ZC3H3: variants seen among roughly 807,000 people sequenced by gnomAD.
ZC3H3 encodes zinc finger CCCH domain-containing protein 3.
ZC3H3 carries 36 observed loss-of-function variants against 77.3 expected under a neutral mutation model. The ratio of observed to expected loss-of-function variants is 0.47; its 90% CI spans 0.36 to 0.61. The LOEUF is 0.61. Ranked by LOEUF, ZC3H3 falls within the 20% of genes least tolerant of loss-of-function variation. The pLI is 0.00. For missense variants in ZC3H3, 1,331 were observed against 1,312.2 expected (o/e 1.01, Z -0.22); for synonymous variants, 626 against 555.2 (o/e 1.13, Z -1.79).
chr8:143,539,400 G>C (rs912390124), intron 1 of ZC3H3, 80 bp from the exon 2 acceptor site: 6 of 1,359,694 alleles, frequency 4.4e-6, no homozygotes, highest in Non-Finnish European at 5.9e-6. Flanking sequence ...GCATCAGCTG[G>C]CAAGATACCC....
At position 143,536,413 on chromosome 8, in the gene ZC3H3, T is replaced by TGGCGGC. The variant is rs1274488624; in HGVS notation, c.1399_1404dup (p.Ala467_Ala468dup). 1 of 1,552,074 alleles carries TGGCGGC rather than the reference T, an allele frequency of 6.4e-7. No homozygotes were observed. The highest frequency in any genetic ancestry group is 8.7e-7 in the Non-Finnish European group (1 of 1,145,882). ...CGGAGGCTGAGGTGGCTCTTGGCGG[T>TGGCGGC]GGCGGCAGGTGAGGTGCCGCTTTTC... On this transcript the variant is annotated inframe_insertion, in exon 3 of 12. Coordinates refer to ENST00000262577, the MANE Select transcript of ZC3H3 (RefSeq NM_015117.3).
In ZC3H3 at chr8:143,479,060, C is replaced by T. The variant is rs770235654; in HGVS notation, c.1716-3475G>A. Among the ~76,000 whole-genome samples, 14 of 152,346 alleles carry T rather than the reference C, an allele frequency of 9.2e-5. No individual in the cohort carries two copies. The South Asian group carries it at 2.1e-3, about 23-fold the overall frequency. On this transcript the variant is annotated intron_variant, in intron 4 of 11. Coordinates refer to ENST00000262577, the MANE Select transcript of ZC3H3 (RefSeq NM_015117.3). ...AGGGCCTCCCGGGAATGGGGCAGGG[C>T]GCTTCCTGGTGCTCAGCACACCTAG...
At position 143,533,671 on chromosome 8, in the gene ZC3H3, G is replaced by A. The variant is rs981985069; in HGVS notation, c.1561+2586C>T. The stretch of plus-strand genomic sequence containing the variant: ...GGACCCTCTCCTCTCACTCCATGCA[G>A]CCGCCACGCTGGTCTTTTTTTTTTT... On this transcript the variant is annotated intron_variant, in intron 3 of 11. Coordinates refer to ENST00000262577, the MANE Select transcript of ZC3H3 (RefSeq NM_015117.3). The surrounding 1 kb of genome is among the most constrained non-coding windows in gnomAD (Gnocchi z 4.0). 2.0e-5 allele frequency among the ~76,000 whole-genome samples: 3 copies of A among 148,626 alleles called. No homozygotes were observed. The highest frequency in any genetic ancestry group is 7.4e-5 in the African/African-American group (3 of 40,408).
intron 3 of ZC3H3, among the ~76,000 whole-genome samples, chr8:143,535,132 A>G (rs1442087171): frequency 6.6e-6 from 1 of 151,798 alleles, no homozygotes; most frequent in Non-Finnish European, 1.5e-5. Flanking sequence ...GCAACCTCCC[A>G]GGCTCAAGCA....
rs539928786 is a variant in ZC3H3 at position 143,460,249 on chromosome 8, AAAATAAAT to A, written c.2307+5460_2307+5467del. ...GGCGACAGAGTGAGACTATGTCTCA[AAAATAAAT>A]AAATAAATAAATAAATAAATAAATA... is the stretch of plus-strand genomic sequence containing the variant. On this transcript the variant is annotated intron_variant, in intron 9 of 11. Coordinates refer to ENST00000262577, the MANE Select transcript of ZC3H3 (RefSeq NM_015117.3). The surrounding 1 kb of genome is among the most constrained non-coding windows in gnomAD (Gnocchi z 4.0). 0.025 allele frequency among the ~76,000 whole-genome samples: 3,600 copies of A among 144,200 alleles called. 69 individuals carry two copies. The highest frequency in any genetic ancestry group is 0.049 in the African/African-American group (1,941 of 39,682). 94.6% of individuals were successfully genotyped at this position (144,200 alleles called of 152,430 possible).
rs372005709 is a variant in ZC3H3, at chr8:143,538,980, C to T, written c.387G>A (p.Pro129=). 4.4e-5 allele frequency: 71 copies of T among 1,613,064 alleles called. No homozygotes were observed. Among genetic ancestry groups the T allele is most frequent in the East Asian group, 3.3e-4 (15 of 44,886 alleles). Residue 129 remains proline, a synonymous_variant, in exon 2 of 12, where the codon CCG becomes CCA. Transcript: ENST00000262577. ...CACTGGCAGAGCCAGACTTTGATGGCGGTTTAACTTTGATGACCACGTTCT... is the reference window on the plus strand; with the variant it reads ...CACTGGCAGAGCCAGACTTTGATGGTGGTTTAACTTTGATGACCACGTTCT... ...QGQNVVIKVK[P]PSKSGSASAS... is the part of the protein sequence containing the mutation.
chr8:143,521,180 C>G (rs892864579), intron 3 of ZC3H3, among the ~76,000 whole-genome samples: 10 of 152,280 alleles, frequency 6.6e-5, no homozygotes, highest in African/African-American at 2.4e-4. Flanking sequence ...TCCCAAGAGG[C>G]CTTGCCAACG....
intron 5 of ZC3H3, among the ~76,000 whole-genome samples, chr8:143,475,120 G>A (rs577657092): frequency 2.6e-5 from 4 of 152,350 alleles, no homozygotes; most frequent in Admixed American, 6.5e-5. Flanking sequence ...TCCATTCTCC[G>A]GCTGCCCTGT....
At position 143,538,137 on chromosome 8, in the gene ZC3H3, G is replaced by C; in HGVS notation, c.1230C>G (p.Val410=). The C allele has an allele frequency of 6.2e-7, 1 of 1,613,140 alleles. No individual in the cohort carries two copies. The highest frequency in any genetic ancestry group is 1.6e-4 in the Middle Eastern group (1 of 6,062). Residue 410 remains valine (V), a synonymous_variant, in exon 2 of 12, where the codon GTC becomes GTG. Coordinates refer to ENST00000262577, the MANE Select transcript of ZC3H3 (RefSeq NM_015117.3). ...TGTCCCCCGACGGGGACCTAGACAGGACTGGGGAGAGCTGGGAGGCATGGT... is the reference window on the plus strand; with the variant it reads ...TGTCCCCCGACGGGGACCTAGACAGCACTGGGGAGAGCTGGGAGGCATGGT... The part of the protein sequence containing the change: ...SKDHASQLSP[V]LSRSPSGDRP...
At chr8:143,455,978 CAAAAAA>C (rs58754874) in intron 9 of ZC3H3, among the ~76,000 whole-genome samples, 13 of 40,916 alleles carry the variant, frequency 3.2e-4, no homozygotes, top group South Asian at 1.3e-3. Context: ...GACTCTGTCT[CAAAAAA>C]AAAAAAAAAA....
chr8:143,527,689 A>G (rs1035144627), intron 3 of ZC3H3, among the ~76,000 whole-genome samples: 1 of 152,158 alleles, frequency 6.6e-6, no homozygotes, highest in African/African-American at 2.4e-5. Flanking sequence ...CACGGGGTTC[A>G]CCGCAGTAAA....
At chr8:143,457,445 A>G (rs1820150859) in intron 9 of ZC3H3, among the ~76,000 whole-genome samples, 1 of 152,164 alleles carries the variant, frequency 6.6e-6, no homozygotes, top group Non-Finnish European at 1.5e-5. Context: ...AAAAAAAATC[A>G]CAGGAGCTGG....
At chr8:143,482,311 C>T (rs1820928296) in intron 4 of ZC3H3, among the ~76,000 whole-genome samples, 1 of 152,250 alleles carries the variant, frequency 6.6e-6, no homozygotes, top group Non-Finnish European at 1.5e-5. Context: ...CCCTACTTAC[C>T]ACTGGGGAAA....
Position 143,437,894 on chromosome 8 carries a change from G to T in ZC3H3, c.*162C>A. On this transcript the variant is annotated 3_prime_UTR_variant, in exon 12 of 12. Coordinates refer to ENST00000262577, the MANE Select transcript of ZC3H3 (RefSeq NM_015117.3). ...AAGACCAGGCCCTGCGCACACGCTG[G>T]TCATGGAAGGTTGAGGGCCAGGCAG... The T allele has an allele frequency of 1.0e-6, 1 of 983,870 alleles. No homozygotes were observed. Among genetic ancestry groups the T allele is most frequent in the Non-Finnish European group, 1.5e-6 (1 of 649,316 alleles). 60.9% of individuals were successfully genotyped at this position (983,870 alleles called of 1,614,324 possible).
At chr8:143,540,050 A>C (rs1822958236) in intron 1 of ZC3H3, among the ~76,000 whole-genome samples, 1 of 152,134 alleles carries the variant, frequency 6.6e-6, no homozygotes, top group Admixed American at 6.5e-5. Flanking sequence ...GGGGCACAGA[A>C]AGCCACGTCC....
Position 143,445,067 on chromosome 8 carries a change from T to G in ZC3H3, c.2308-3947A>C, listed in dbSNP as rs553227924. ...AATATACTATTTATAGTAATAAAAC[T>G]ATTAGGAATAAATCTAACAAAACCT... On this transcript the variant is annotated intron_variant, in intron 9 of 11. Transcript: ENST00000262577. Among the ~76,000 whole-genome samples, 6 of 152,282 alleles carry G rather than the reference T, an allele frequency of 3.9e-5. No individual in the cohort carries two copies. In the East Asian group the frequency reaches 1.2e-3, roughly 29 times the overall value.
chr8:143,455,957 C>T (rs942880127), intron 9 of ZC3H3, among the ~76,000 whole-genome samples: 9 of 118,868 alleles, frequency 7.6e-5, no homozygotes, highest in Admixed American at 1.2e-4. Context: ...CCAGTCTGGG[C>T]GACAGAGTGA....
At chr8:143,454,771 T>C (rs1326195385) in intron 9 of ZC3H3, among the ~76,000 whole-genome samples, 2 of 152,174 alleles carry the variant, frequency 1.3e-5, no homozygotes, top group African/African-American at 4.8e-5. Context: ...TCTTGCACCG[T>C]CATGCTCTGT....
chr8:143,499,391 G>A (rs144203412), intron 4 of ZC3H3, among the ~76,000 whole-genome samples: 16 of 152,118 alleles, frequency 1.1e-4, no homozygotes, highest in African/African-American at 3.9e-4. Context: ...CCAGGCCCCA[G>A]GGCTCCCCGC....
Sources: gnomAD v4.1 joint callset for allele counts (sites outside exome capture counted in the v4.1 genomes callset) on GRCh38, gnomAD v4.1.1 for gene constraint, Gnocchi (gnomAD v3.1) non-coding constraint, MANE v1.5 for transcripts, NCBI Gene and HGNC (gene_info 2026-07-23, HGNC 2026-07-21) for gene names.